The following PWWP2A variants were observed in gnomAD, a reference collection of about 807,000 sequenced individuals.
PWWP2A encodes the protein PWWP domain-containing protein 2A.
In PWWP2A, 18 loss-of-function variants were observed where a neutral mutation model predicts 48.5. That is an observed-to-expected ratio of 0.37 (90% CI 0.26 to 0.55). The LOEUF (loss-of-function observed/expected upper bound fraction) is 0.55. Ranked by LOEUF, PWWP2A falls within the 20% of genes least tolerant of loss-of-function variation. The pLI is 0.81. For synonymous variants in PWWP2A, 396 were observed against 387.7 expected (o/e 1.02, Z -0.25); for missense variants, 867 against 976.4 (o/e 0.89, Z 1.49).
the PWWP2A span, among the ~76,000 whole-genome samples, chr5:160,052,548 C>CAAAAAAAA: frequency 2.9e-5 from 2 of 68,070 alleles, no homozygotes; most frequent in African/African-American, 5.7e-5. Flanking sequence ...TCTATTTTAG[C>CAAAAAAAA]AAAAAAAAAA....
Position 160,065,621 on chromosome 5 carries a change from G to C in PWWP2A, c.*236+927C>G, listed in dbSNP as rs1753584273. 9.2e-6 allele frequency: 3 copies of C among 325,212 alleles called. No individual in the cohort carries two copies. In the Admixed American group the frequency reaches 1.3e-4, roughly 14 times the overall value. The allele number at this position is 325,212 out of a possible 1,614,324, so 20.1% of individuals were successfully genotyped here. A position where few individuals can be genotyped will look rare whatever the true frequency, so the allele number is the denominator to read the frequency against. On this transcript the variant is annotated intron_variant and NMD_transcript_variant, in intron 4 of 5. Coordinates refer to the PWWP2A transcript ENST00000524050. ...CTTCTCTGGCTTTGGGAGCAGTGTTGGTTTCAAGCAGGGTTACTGATTCCA... is the reference window on the plus strand; with the variant it reads ...CTTCTCTGGCTTTGGGAGCAGTGTTCGTTTCAAGCAGGGTTACTGATTCCA...
the PWWP2A span, among the ~76,000 whole-genome samples, chr5:160,053,365 G>T: frequency 3.9e-5 from 6 of 152,240 alleles, no homozygotes; most frequent in South Asian, 1.2e-3. Flanking sequence ...GGCTGAGCCC[G>T]AGTTCAAGAC....
chr5:160,049,506 T>C, the PWWP2A span: 2 of 1,561,488 alleles, frequency 1.3e-6, no homozygotes, highest in South Asian at 2.4e-5. Context: ...TTTCTTCTCT[T>C]TTTACAGCAA....
intron 1 of PWWP2A, among the ~76,000 whole-genome samples, chr5:160,109,768 AAAAAAAATATATATATATATATAT>A (rs1757273333): frequency 1.9e-5 from 1 of 52,788 alleles, no homozygotes; most frequent in African/African-American, 5.9e-5. Flanking sequence ...AAAAAAAAAA[AAAAAAAATATATATATATATATAT>A]ATATATATAT....
At chr5:160,094,108 A>T in intron 1 of PWWP2A, 43 bp from the exon 2 acceptor site, 1 of 1,510,010 alleles carries the variant, frequency 6.6e-7, no homozygotes, top group East Asian at 2.3e-5. Flanking sequence ...TTAAGTTAAC[A>T]TCTATAATTC....
chr5:160,074,823 G>A (rs1254004597), downstream of PWWP2A, among the ~76,000 whole-genome samples: 1 of 151,598 alleles, frequency 6.6e-6, no homozygotes, highest in African/African-American at 2.4e-5. Flanking sequence ...TCATGGCCAG[G>A]TGCAGTGGCT....
chr5:160,107,567 A>T (rs948484759), intron 1 of PWWP2A, among the ~76,000 whole-genome samples: 5 of 152,238 alleles, frequency 3.3e-5, no homozygotes, highest in African/African-American at 1.2e-4. Flanking sequence ...CAGCCATTAC[A>T]GTGAAGATAA....
chr5:160,095,648 C>T (rs907102920), intron 1 of PWWP2A, among the ~76,000 whole-genome samples: 1 of 149,456 alleles, frequency 6.7e-6, no homozygotes, highest in Non-Finnish European at 1.5e-5. Flanking sequence ...ATATTTTCTA[C>T]ACTACAAATC....
intron 1 of PWWP2A, among the ~76,000 whole-genome samples, chr5:160,098,383 C>T (rs1020696827): frequency 2.0e-5 from 3 of 152,244 alleles, no homozygotes. Flanking sequence ...ATAAAACATC[C>T]TCAAAGGACC....
At chr5:160,098,323 T>C (rs927988685) in intron 1 of PWWP2A, among the ~76,000 whole-genome samples, 1 of 152,170 alleles carries the variant, frequency 6.6e-6, no homozygotes, top group African/African-American at 2.4e-5. Flanking sequence ...ATGGTAATTG[T>C]GTGTGGGTAG....
At chr5:160,112,186 G>C (rs1332638429) in intron 1 of PWWP2A, among the ~76,000 whole-genome samples, 1 of 147,594 alleles carries the variant, frequency 6.8e-6, no homozygotes, top group Non-Finnish European at 1.5e-5. Flanking sequence ...GAAAAAAAGA[G>C]CACAAAGTAA....
chr5:160,101,360 G>A (rs916041515), intron 1 of PWWP2A, among the ~76,000 whole-genome samples: 2 of 152,094 alleles, frequency 1.3e-5, no homozygotes, highest in African/African-American at 4.8e-5. Context: ...AAAAAAAAAG[G>A]AAATCATGGC....
At chr5:160,095,047 C>CAAAAAAAAAAAAAAAAAAAAA (rs70987998) in intron 1 of PWWP2A, among the ~76,000 whole-genome samples, 2 of 30,874 alleles carry the variant, frequency 6.5e-5, no homozygotes. Context: ...GACTCTGTCT[C>CAAAAAAAAAAAAAAAAAAAAA]AAAAAAAAAA....
Position 160,093,580 on chromosome 5 carries a change from C to A in PWWP2A, c.1070G>T (p.Ser357Ile). Reference protein sequence around the residue: ...KYEDKKRRNESVTTVNKKLKT... With the variant: ...KYEDKKRRNEIVTTVNKKLKT... The stretch of plus-strand genomic sequence containing the variant: ...CAGTTTTTTGTTCACAGTAGTTACA[C>A]TTTCATTTCTCCGTTTTTTATCTTC... Residue 357 changes from serine (S) to isoleucine (I), a missense_variant, in exon 2 of 2, where the codon AGT becomes ATT. This residue lies in a region of PWWP2A where 382 missense variants were observed against 407.2 expected (regional missense o/e 0.94). Transcript: ENST00000307063. This position sits in a 1 kb window ranked among gnomAD's most constrained non-coding sequence, Gnocchi z 5.8. 1 of 1,613,518 alleles carries A rather than the reference C, an allele frequency of 6.2e-7. No individual in the cohort carries two copies. Among genetic ancestry groups the A allele is most frequent in the Non-Finnish European group, 8.5e-7 (1 of 1,179,790 alleles).
downstream of PWWP2A, among the ~76,000 whole-genome samples, chr5:160,061,298 C>A (rs1753385926): frequency 6.6e-6 from 1 of 152,252 alleles, no homozygotes. Flanking sequence ...TCTCTTCTTT[C>A]CTCCACCCCT....
the PWWP2A span, among the ~76,000 whole-genome samples, chr5:160,045,554 C>CTCTCT: frequency 9.7e-4 from 113 of 116,034 alleles, 6 homozygotes; most frequent in South Asian, 2.6e-3. Context: ...TCTCTCTCTC[C>CTCTCT]CCCTCCCCTC....
chr5:160,104,186 T>C (rs376532916), intron 1 of PWWP2A, among the ~76,000 whole-genome samples: 2 of 146,014 alleles, frequency 1.4e-5, no homozygotes, highest in East Asian at 2.0e-4. Flanking sequence ...GTGATAGCAA[T>C]GGCTCATGCC....
intron 1 of PWWP2A, among the ~76,000 whole-genome samples, chr5:160,106,123 T>C (rs1015894490): frequency 4.6e-5 from 7 of 152,336 alleles, no homozygotes; most frequent in Admixed American, 6.5e-5. Flanking sequence ...AGAACTCTTA[T>C]TTCTAACTGC....
At chr5:160,065,861 G>A (rs752652916) in intron 4 of PWWP2A, among the ~76,000 whole-genome samples, 45 of 152,150 alleles carry the variant, frequency 3.0e-4, no homozygotes, top group Non-Finnish European at 5.6e-4. Context: ...ATGAACCCCA[G>A]AACAAAACCA....
Sources: gnomAD v4.1 joint callset for allele counts (sites outside exome capture counted in the v4.1 genomes callset) on GRCh38, gnomAD v4.1.1 for gene constraint, gnomAD v4.1.1 regional missense constraint, Gnocchi (gnomAD v3.1) non-coding constraint, MANE v1.5 for transcripts, NCBI Gene and HGNC (gene_info 2026-07-23, HGNC 2026-07-21) for gene names.